The following CD99L2 variants were observed in gnomAD, a reference collection of about 807,000 sequenced individuals.
The protein encoded by CD99L2 is CD99 molecule like 2.
Under a neutral mutation model 27.3 loss-of-function variants are expected in CD99L2, and 24 were observed. The observed-to-expected ratio is 0.88, with a 90% confidence interval of 0.64 to 1.24. The LOEUF is 1.24. CD99L2 is among the 50% of genes most tolerant of loss of function. The pLI is 0.00. For missense variants in CD99L2, 255 were observed against 221.6 expected, an observed-to-expected ratio of 1.15 and a Z score of -0.96; for synonymous variants, 97 against 87.9, an observed-to-expected ratio of 1.10 and a Z score of -0.58.
At chrX:150,842,782 C>A (rs1405663341) in intron 1 of CD99L2, among the ~76,000 whole-genome samples, 1 of 112,026 alleles carries the variant, frequency 8.9e-6, no homozygotes, top group Non-Finnish European at 1.9e-5. Flanking sequence ...TGCTTGATAG[C>A]CACATGCAGC....
chrX:150,877,324 C>T (rs1164758288), intron 1 of CD99L2, among the ~76,000 whole-genome samples: 1 of 110,928 alleles, frequency 9.0e-6, no homozygotes, highest in Admixed American at 9.6e-5. Context: ...AGGATTTATC[C>T]TTAATGTGAT....
intron 1 of CD99L2, among the ~76,000 whole-genome samples, chrX:150,887,402 C>T (rs782194547): frequency 7.4e-5 from 8 of 108,689 alleles, no homozygotes; most frequent in Non-Finnish European, 1.3e-4. Context: ...GCTGAGAGTG[C>T]GCCACTGCAC....
At chrX:150,772,421 C>G (rs1298486488) in intron 9 of CD99L2, among the ~76,000 whole-genome samples, 1 of 112,544 alleles carries the variant, frequency 8.9e-6, no homozygotes, top group Non-Finnish European at 1.9e-5. Context: ...GGACGGGGGA[C>G]AGCAGAGGCC....
At chrX:150,809,905 AG>A (rs782643451) in intron 4 of CD99L2, among the ~76,000 whole-genome samples, 2 of 112,289 alleles carry the variant, frequency 1.8e-5, no homozygotes, top group Admixed American at 1.9e-4. Context: ...TCAATCCACT[AG>A]GAAGACATAA....
At chrX:150,787,388 G>A (rs1012227620) in intron 7 of CD99L2, among the ~76,000 whole-genome samples, 14 of 111,429 alleles carry the variant, frequency 1.3e-4, no homozygotes, top group Non-Finnish European at 2.1e-4. Context: ...TCCATCTTGA[G>A]TTGATTTTTG....
At chrX:150,877,961 C>CACACAT (rs1569566142) in intron 1 of CD99L2, among the ~76,000 whole-genome samples, 1 of 18,302 alleles carries the variant, frequency 5.5e-5, no homozygotes, top group East Asian at 1.6e-3. Flanking sequence ...CAAACACATA[C>CACACAT]ACACACACAC....
intron 1 of CD99L2, among the ~76,000 whole-genome samples, chrX:150,891,773 C>T (rs1219638826): frequency 1.8e-5 from 2 of 109,151 alleles, no homozygotes; most frequent in Non-Finnish European, 3.8e-5. Context: ...TCTACGATGA[C>T]GTTAAGCTTT....
chrX:150,887,797 G>C (rs1414168556), intron 1 of CD99L2, among the ~76,000 whole-genome samples: 3 of 111,975 alleles, frequency 2.7e-5, no homozygotes, highest in African/African-American at 9.8e-5. Context: ...GTCACAGGAA[G>C]GAACAGAAAA....
rs10673482 is a variant in CD99L2, at chrX:150,766,592, A to AGTTGTT, written c.*2436_*2441dup. ...GTGACTTCACCCAGCATGTGCTCAG[A>AGTTGTT]GTTGTTACAAATTTTCTCTGCCAAA... is the stretch of plus-strand genomic sequence containing the variant. On this transcript the variant is annotated 3_prime_UTR_variant, in exon 11 of 11. Transcript: ENST00000370377. 1 of 111,242 alleles carries AGTTGTT rather than the reference A, an allele frequency of 9.0e-6. No individual in the cohort carries two copies. Among genetic ancestry groups the AGTTGTT allele is most frequent in the African/African-American group, 3.3e-5 (1 of 30,185 alleles). The allele number at this position is 111,242 out of a possible 1,213,427, so 9.2% of individuals were successfully genotyped here. A position where few individuals can be genotyped will look rare whatever the true frequency, so the allele number is the denominator to read the frequency against.
At chrX:150,769,651 CGCCTGAGCTGTCCTAGTCTCCCT>C (rs781856016) in intron 10 of CD99L2, among the ~76,000 whole-genome samples, 97 of 108,954 alleles carry the variant, frequency 8.9e-4, no homozygotes, top group African/African-American at 8.7e-4. Flanking sequence ...TGGCAACACT[CGCCTGAGCTGTCCTAGTCTCCCT>C]GCCTGCGCCA....
intron 10 of CD99L2, among the ~76,000 whole-genome samples, chrX:150,770,059 G>T (rs1464812111): frequency 8.8e-6 from 1 of 113,154 alleles, no homozygotes; most frequent in Admixed American, 9.2e-5. Flanking sequence ...CGAATCAAGG[G>T]CAGGGGCCGA....
chrX:150,863,439 G>GT (rs2124324805), intron 1 of CD99L2, among the ~76,000 whole-genome samples: 1 of 112,425 alleles, frequency 8.9e-6, no homozygotes, highest in Non-Finnish European at 1.9e-5. Context: ...GCAATCAAAG[G>GT]CAGCAACTCA....
chrX:150,793,904 C>T (rs1569565920), intron 6 of CD99L2, 148 bp from the exon 7 acceptor site: 11 of 413,378 alleles, frequency 2.7e-5, no homozygotes, highest in Non-Finnish European at 4.4e-5. Context: ...CCCCCAGACC[C>T]CCTCCCACTG....
chrX:150,824,512 G>GAA (rs2046326100), intron 2 of CD99L2, among the ~76,000 whole-genome samples: 1 of 81,096 alleles, frequency 1.2e-5, no homozygotes, highest in Non-Finnish European at 2.4e-5. Flanking sequence ...AGAAGAAGAA[G>GAA]GAAGGAAGAA....
At chrX:150,824,580 GAGAAGGAGGAGAAGA>G (rs1200719967) in intron 2 of CD99L2, among the ~76,000 whole-genome samples, 17 of 96,773 alleles carry the variant, frequency 1.8e-4, no homozygotes, top group Admixed American at 6.7e-4. Context: ...GGAGGAGGAG[GAGAAGGAGGAGAAGA>G]AGAAGGAGGA....
intron 1 of CD99L2, among the ~76,000 whole-genome samples, chrX:150,851,259 T>C (rs150933708): frequency 5.3e-4 from 60 of 112,164 alleles, no homozygotes; most frequent in African/African-American, 1.9e-3. Flanking sequence ...CTTCCTCCCT[T>C]TTCCCATTCT....
chrX:150,825,355 A>G (rs1569566017), intron 2 of CD99L2, among the ~76,000 whole-genome samples: 2 of 112,322 alleles, frequency 1.8e-5, no homozygotes, highest in Admixed American at 9.4e-5. Context: ...TCAGACTCTC[A>G]ATTCTATTCC....
intron 1 of CD99L2, among the ~76,000 whole-genome samples, chrX:150,851,920 G>T (rs1276955698): frequency 8.9e-6 from 1 of 111,975 alleles, no homozygotes; most frequent in Admixed American, 9.5e-5. Context: ...TGAAAGTCCC[G>T]TTTGCCATGT....
At chrX:150,782,005 T>A (rs995177260) in intron 7 of CD99L2, among the ~76,000 whole-genome samples, 1 of 112,030 alleles carries the variant, frequency 8.9e-6, no homozygotes, top group Non-Finnish European at 1.9e-5. Flanking sequence ...TGCCCTTCTC[T>A]GACAGCAGCA....
Sources: gnomAD v4.1 joint callset for allele counts (sites outside exome capture counted in the v4.1 genomes callset) on GRCh38, gnomAD v4.1.1 for gene constraint, MANE v1.5 for transcripts, NCBI Gene and HGNC (gene_info 2026-07-23, HGNC 2026-07-21) for gene names.